Variants in ZDHHC3 observed in about 807,000 individuals in gnomAD.
The protein encoded by ZDHHC3 is zDHHC palmitoyltransferase 3, also known as palmitoyltransferase ZDHHC3.
Under a neutral mutation model 30.6 loss-of-function variants are expected in ZDHHC3, and 9 were observed. The observed-to-expected ratio is 0.29, with a 90% CI of 0.18 to 0.51. The LOEUF is 0.51. Among genes scored for constraint, ZDHHC3 ranks in the 20% least tolerant of loss-of-function variants. ZDHHC3 has a pLI of 0.97. For synonymous variants in ZDHHC3, 136 were observed against 140.2 expected, an observed-to-expected ratio of 0.97 and a Z score of 0.21; for missense variants, 246 against 384.2, an observed-to-expected ratio of 0.64 and a Z score of 3.01.
intron 3 of ZDHHC3, among the ~76,000 whole-genome samples, chr3:44,944,154 ATTT>A (rs1055028318): frequency 1.4e-5 from 2 of 147,322 alleles, no homozygotes; most frequent in Non-Finnish European, 3.0e-5. Flanking sequence ...TTAAAAAAAA[ATTT>A]TTTTTTTTTG....
chr3:44,964,650 G>GGCAA (rs1166352187), intron 1 of ZDHHC3, among the ~76,000 whole-genome samples: 4 of 152,204 alleles, frequency 2.6e-5, no homozygotes, highest in African/African-American at 7.2e-5. Flanking sequence ...AGAAGTGACA[G>GGCAA]GCAAGACAGA....
chr3:44,955,453 G>GC (rs1553691484), intron 2 of ZDHHC3, among the ~76,000 whole-genome samples: 5 of 96,682 alleles, frequency 5.2e-5, no homozygotes, highest in African/African-American at 2.4e-4. Flanking sequence ...AGACCACAAG[G>GC]TTTTTATATA....
At chr3:44,940,700 G>A (rs1022767553) in intron 3 of ZDHHC3, among the ~76,000 whole-genome samples, 7 of 152,092 alleles carry the variant, frequency 4.6e-5, no homozygotes, top group African/African-American at 1.7e-4. Context: ...CCTTCCTCCA[G>A]ATTTCCTACC....
chr3:44,969,664 T>C (rs931679636), intron 1 of ZDHHC3: 1 of 152,202 alleles, frequency 6.6e-6, no homozygotes, highest in Non-Finnish European at 1.5e-5. Flanking sequence ...TCGAGTGGGC[T>C]GCATGCAGTG....
At chr3:44,941,102 C>T (rs1702405041) in intron 3 of ZDHHC3, among the ~76,000 whole-genome samples, 1 of 152,130 alleles carries the variant, frequency 6.6e-6, no homozygotes, top group African/African-American at 2.4e-5. Context: ...TCTGACACCA[C>T]AGACAGGAAA....
intron 2 of ZDHHC3, 68 bp from the exon 3 acceptor site, chr3:44,945,360 G>T: frequency 6.2e-7 from 1 of 1,601,990 alleles, no homozygotes; most frequent in Non-Finnish European, 8.5e-7. Context: ...TCTACAGTGG[G>T]GATAGTTATT....
In ZDHHC3 at chr3:44,921,767, G is replaced by A. The variant is rs531403139; in HGVS notation, c.*4922C>T. The A allele has an allele frequency of 1.0e-6, 1 of 975,254 alleles. No homozygotes were observed. Among genetic ancestry groups the A allele is most frequent in the African/African-American group, 1.8e-5 (1 of 57,132 alleles). 60.4% of individuals were successfully genotyped at this position (975,254 alleles called of 1,614,324 possible). ...GCTCAAGGTCATATTTTGGTAGTAG[G>A]TGCGGTAATAAGTAGCCAAGCAGAC... is the stretch of plus-strand genomic sequence containing the variant. On this transcript the variant is annotated 3_prime_UTR_variant, in exon 7 of 7. Coordinates refer to ENST00000424952, the MANE Select transcript of ZDHHC3 (RefSeq NM_001135179.2).
chr3:44,933,853 A>C (rs760337595), intron 4 of ZDHHC3, 35 bp downstream of exon 4: 2 of 1,591,306 alleles, frequency 1.3e-6, no homozygotes, highest in East Asian at 2.2e-5. Flanking sequence ...CCATTGCTTC[A>C]TGGGGGGCAG....
At position 44,959,754 on chromosome 3, in the gene ZDHHC3, G is replaced by A. The variant is rs1704305019; in HGVS notation, c.-24-294C>T. 6.6e-6 allele frequency among the ~76,000 whole-genome samples: 1 copy of A among 152,042 alleles called. No homozygotes were observed. The highest frequency in any genetic ancestry group is 1.5e-5 in the Non-Finnish European group (1 of 67,984). Reference sequence around the variant, plus strand: ...AGCAGGTGACACAGCCTGCCAATTTGTTTTTTTCTTTTTTTGAGACCAGGT... The same window carrying A: ...AGCAGGTGACACAGCCTGCCAATTTATTTTTTTCTTTTTTTGAGACCAGGT... On this transcript the variant is annotated intron_variant, in intron 1 of 6. Coordinates refer to ENST00000424952, the MANE Select transcript of ZDHHC3 (RefSeq NM_001135179.2). This position sits in a 1 kb window ranked among gnomAD's most constrained non-coding sequence, Gnocchi z 4.3.
Position 44,925,503 on chromosome 3 carries a change from C to T in ZDHHC3, c.*1186G>A, listed in dbSNP as rs1390508940. 1 of 985,374 alleles carries T rather than the reference C, an allele frequency of 1.0e-6. No individual in the cohort carries two copies. The highest frequency in any genetic ancestry group is 1.2e-6 in the Non-Finnish European group (1 of 829,956). The allele number at this position is 985,374 out of a possible 1,614,324, so 61.0% of individuals were successfully genotyped here. A position where few individuals can be genotyped will look rare whatever the true frequency, so the allele number is the denominator to read the frequency against. On this transcript the variant is annotated 3_prime_UTR_variant, in exon 7 of 7. Transcript: ENST00000424952. ...CCACCTCCTTCAAACAAGACTGACA[C>T]AGGAAGTGCCTCTCAAATGGAAAAT...
chr3:44,959,254 C>G lies in ZDHHC3; in HGVS notation c.183G>C (p.Val61=). 6.2e-7 allele frequency: 1 copy of G among 1,614,200 alleles called. No homozygotes were observed. Among genetic ancestry groups the G allele is most frequent in the Non-Finnish European group, 8.5e-7 (1 of 1,180,040 alleles). ...ATGGAATCAGCATGACAAAGAGGAC[C>G]ACGAACTCCGCATAGAGGACCAGAA... The part of the protein sequence containing the change: ...TWFLVLYAEF[V]VLFVMLIPSR... The change falls in exon 2 of 7, where the codon GTG becomes GTC. Residue 61 remains valine (V), a synonymous_variant. Transcript: ENST00000424952. The surrounding 1 kb of genome is among the most constrained non-coding windows in gnomAD (Gnocchi z 4.3).
chr3:44,930,327 G>C (rs1443344648), intron 5 of ZDHHC3, among the ~76,000 whole-genome samples: 1 of 152,208 alleles, frequency 6.6e-6, no homozygotes, highest in Non-Finnish European at 1.5e-5. Context: ...GGGAGGGGAA[G>C]GCCCTGAAGC....
At position 44,916,326 on chromosome 3, in the gene ZDHHC3, A is replaced by T. The variant is rs1011478704; in HGVS notation, c.*10363T>A. The T allele has an allele frequency of 6.6e-6, 1 of 152,222 alleles. No individual in the cohort carries two copies. Among genetic ancestry groups the T allele is most frequent in the Admixed American group, 6.5e-5 (1 of 15,276 alleles). The allele number at this position is 152,222 out of a possible 1,614,324, so 9.4% of individuals were successfully genotyped here. ...CTCTGGCAGGATCGTTGCCCTTCAC[A>T]GAGTGTCCAAAGATGCTGTCCAAGA... is the stretch of plus-strand genomic sequence containing the variant. On this transcript the variant is annotated 3_prime_UTR_variant, in exon 7 of 7. Transcript: ENST00000424952.
At chr3:44,933,852 C>A in intron 4 of ZDHHC3, 36 bp downstream of exon 4, 1 of 1,589,092 alleles carries the variant, frequency 6.3e-7, no homozygotes. Flanking sequence ...TCCATTGCTT[C>A]ATGGGGGGCA....
At chr3:44,931,947 G>A (rs940560096) in intron 5 of ZDHHC3, among the ~76,000 whole-genome samples, 1 of 152,202 alleles carries the variant, frequency 6.6e-6, no homozygotes, top group African/African-American at 2.4e-5. Context: ...CTGGCTCCCA[G>A]TAGGCATTAA....
At chr3:44,969,485 A>G (rs1033286707) in intron 1 of ZDHHC3, 4 of 152,242 alleles carry the variant, frequency 2.6e-5, no homozygotes, top group Non-Finnish European at 5.9e-5. Context: ...ATACTCCCAA[A>G]GTCTGCTCTT....
intron 2 of ZDHHC3, among the ~76,000 whole-genome samples, chr3:44,954,108 T>C (rs1219151027): frequency 1.3e-5 from 2 of 152,184 alleles, no homozygotes; most frequent in Non-Finnish European, 1.5e-5. Flanking sequence ...TCAATGACTT[T>C]TGGCAGCTGA....
At chr3:44,942,608 C>T (rs1408680717) in intron 3 of ZDHHC3, among the ~76,000 whole-genome samples, 1 of 152,226 alleles carries the variant, frequency 6.6e-6, no homozygotes, top group Non-Finnish European at 1.5e-5. Flanking sequence ...GTTAACACCT[C>T]CCTGTTCTGG....
Position 44,920,086 on chromosome 3 carries a change from T to G in ZDHHC3, c.*6603A>C. 11 of 1,202,932 alleles carry G rather than the reference T, an allele frequency of 9.1e-6. No homozygotes were observed. Among genetic ancestry groups the G allele is most frequent in the Non-Finnish European group, 1.2e-5 (11 of 944,024 alleles). The allele number at this position is 1,202,932 out of a possible 1,614,324, so 74.5% of individuals were successfully genotyped here. A position where few individuals can be genotyped will look rare whatever the true frequency, so the allele number is the denominator to read the frequency against. On this transcript the variant is annotated 3_prime_UTR_variant, in exon 7 of 7. Coordinates refer to ENST00000424952, the MANE Select transcript of ZDHHC3 (RefSeq NM_001135179.2). ...AGGATTTGTATTTATTTCTGTAGAC[T>G]TCTCACACAATCCAAGTTTTACCAA... is the stretch of plus-strand genomic sequence containing the variant.
Sources: gnomAD v4.1 joint callset for allele counts (sites outside exome capture counted in the v4.1 genomes callset) on GRCh38, gnomAD v4.1.1 for gene constraint, Gnocchi (gnomAD v3.1) non-coding constraint, MANE v1.5 for transcripts, NCBI Gene and HGNC (gene_info 2026-07-23, HGNC 2026-07-21) for gene names.